Variants in NDUFAF1 observed in about 807,000 individuals in gnomAD.
NDUFAF1 encodes the protein complex I intermediate-associated protein 30, mitochondrial.
A neutral mutation model predicts 28.7 loss-of-function variants in NDUFAF1; 18 were observed. That is an observed-to-expected ratio of 0.63 (90% confidence interval 0.43 to 0.93). The LOEUF (loss-of-function observed/expected upper bound fraction) is 0.93. NDUFAF1 is among the 40% of genes least tolerant of loss of function. The pLI is 0.00. For missense variants in NDUFAF1, 404 were observed against 398.3 expected, an observed-to-expected ratio of 1.01 and a Z score of -0.12; for synonymous variants, 113 against 139.7, an observed-to-expected ratio of 0.81 and a Z score of 1.35.
intron 1 of NDUFAF1, among the ~76,000 whole-genome samples, chr15:41,397,778 G>T (rs1271942358): frequency 1.4e-5 from 2 of 141,142 alleles, no homozygotes; most frequent in Non-Finnish European, 3.1e-5. Context: ...CAGCCTGGGC[G>T]ACAGAGCGAG....
intron 4 of NDUFAF1, 52 bp downstream of exon 4, chr15:41,388,396 C>G (rs372709375): frequency 1.7e-5 from 23 of 1,381,944 alleles, no homozygotes; most frequent in Non-Finnish European, 2.4e-5. Flanking sequence ...CCCAGAGTTC[C>G]GATTCATTAA....
Position 41,397,111 on chromosome 15 carries a change from A to G in NDUFAF1, c.-52T>C, listed in dbSNP as rs1406095441. On this transcript the variant is annotated 5_prime_UTR_variant, in exon 2 of 5. Coordinates refer to ENST00000260361, the MANE Select transcript of NDUFAF1 (RefSeq NM_016013.4). ...TCTTCCTGGGCTAGCAAGGGCCACCAAGAAGCTTCAGCAAATAGCCCAATT... is the reference window on the plus strand; with the variant it reads ...TCTTCCTGGGCTAGCAAGGGCCACCGAGAAGCTTCAGCAAATAGCCCAATT... 2 of 1,530,996 alleles carry G rather than the reference A, an allele frequency of 1.3e-6. No homozygotes were observed. Among genetic ancestry groups the G allele is most frequent in the Non-Finnish European group, 1.8e-6 (2 of 1,111,998 alleles). 94.8% of individuals were successfully genotyped at this position (1,530,996 alleles called of 1,614,324 possible). A position where few individuals can be genotyped will look rare whatever the true frequency, so the allele number is the denominator to read the frequency against.
rs1248137611 is a variant in NDUFAF1 at position 41,395,129 on chromosome 15, AG to A, written c.574-86del. On this transcript the variant is annotated intron_variant, in intron 2 of 4. Transcript: ENST00000260361. ...TCATCACCAAGTCAGCATCATCAAC[AG>A]GATGCACTAACCATTTTTCTGACTT... 1.9e-5 allele frequency: 24 copies of A among 1,259,426 alleles called. No individual in the cohort carries two copies. The Admixed American group carries it at 4.7e-4, about 25-fold the overall frequency. 78.0% of individuals were successfully genotyped at this position (1,259,426 alleles called of 1,614,324 possible).
chr15:41,400,972 CT>C (rs57295983), intron 1 of NDUFAF1, among the ~76,000 whole-genome samples: 6,545 of 144,028 alleles, frequency 0.045, 253 homozygotes, highest in African/African-American at 0.11. Flanking sequence ...ATTATCAATA[CT>C]TTTTTTTTTT....
chr15:41,399,748 C>T (rs62001415), intron 1 of NDUFAF1, among the ~76,000 whole-genome samples: 14 of 143,574 alleles, frequency 9.8e-5, no homozygotes, highest in African/African-American at 2.6e-4. Flanking sequence ...CCCAGCTACT[C>T]GGGAGGCTGA....
At chr15:41,390,951 C>T (rs1329551064) in intron 3 of NDUFAF1, among the ~76,000 whole-genome samples, 1 of 151,884 alleles carries the variant, frequency 6.6e-6, no homozygotes, top group Non-Finnish European at 1.5e-5. Flanking sequence ...ATGGTGTGAA[C>T]CTGGAAGGCA....
chr15:41,394,616 A>G (rs1461761478), intron 3 of NDUFAF1, among the ~76,000 whole-genome samples: 1 of 127,014 alleles, frequency 7.9e-6, no homozygotes, highest in East Asian at 2.2e-4. Flanking sequence ...AATCATCTCC[A>G]AGACTTTTTT....
At chr15:41,398,235 T>C (rs1344069096) in intron 1 of NDUFAF1, among the ~76,000 whole-genome samples, 1 of 151,164 alleles carries the variant, frequency 6.6e-6, no homozygotes, top group Admixed American at 6.6e-5. Flanking sequence ...CTCACGCCTG[T>C]AATCTCAACA....
At chr15:41,396,346 AT>A in intron 2 of NDUFAF1, 140 bp downstream of exon 2, 1 of 775,702 alleles carries the variant, frequency 1.3e-6, no homozygotes, top group Middle Eastern at 2.3e-4. Flanking sequence ...ATAGTTACTT[AT>A]CCCCAGACAC....
In NDUFAF1 at chr15:41,396,523, T is replaced by C. The variant is rs202231219; in HGVS notation, c.537A>G (p.Arg179=). ...SEAPQDGEST[R]SGYCAMISRI... ...TGGATATCATTGCACAGTACCCACT[T>C]CGGGTAGACTCCCCGTCCTGAGGCG... The change falls in exon 2 of 5, where the codon CGA becomes CGG. Residue 179 remains arginine (R), a synonymous_variant. Transcript: ENST00000260361. The C allele has an allele frequency of 6.2e-7, 1 of 1,614,150 alleles. No individual in the cohort carries two copies. Among genetic ancestry groups the C allele is most frequent in the African/African-American group, 1.3e-5 (1 of 75,048 alleles).
Position 41,395,587 on chromosome 15 carries a change from G to A in NDUFAF1, c.574-543C>T, listed in dbSNP as rs1010885736. On this transcript the variant is annotated intron_variant, in intron 2 of 4. Coordinates refer to ENST00000260361, the MANE Select transcript of NDUFAF1 (RefSeq NM_016013.4). ...GGGTTTCACCGTGTTAGCCAGGATG[G>A]TCTCGATCTCCTGACCTGGTGATCC... 8.6e-5 allele frequency among the ~76,000 whole-genome samples: 13 copies of A among 150,798 alleles called. No individual in the cohort carries two copies. The South Asian group carries it at 1.9e-3, about 22-fold the overall frequency.
chr15:41,393,384 C>T (rs757578646), intron 3 of NDUFAF1, among the ~76,000 whole-genome samples: 3 of 148,496 alleles, frequency 2.0e-5, no homozygotes, highest in African/African-American at 5.0e-5. Context: ...CCCGGGTTCA[C>T]GCCATTCTCC....
rs200472799 is a variant in NDUFAF1 at position 41,396,845 on chromosome 15, G to A, written c.215C>T (p.Thr72Ile). The A allele has an allele frequency of 6.8e-6, 11 of 1,614,116 alleles. No individual in the cohort carries two copies. The Admixed American group carries it at 1.8e-4, about 27-fold the overall frequency. ...AACATCAGGCTTCTCCTCAGAAGAA[G>A]TTATATCCAAAGCAACTTCTTTCTG... Reference protein sequence around the residue: ...DHQKEVALDITSSEEKPDVSF... With the variant: ...DHQKEVALDIISSEEKPDVSF... The change falls in exon 2 of 5, where the codon ACT (threonine) becomes ATT (isoleucine). Residue 72 changes from threonine (T) to isoleucine (I), a missense_variant. Transcript: ENST00000260361.
At chr15:41,390,122 C>T (rs2050299009) in intron 3 of NDUFAF1, among the ~76,000 whole-genome samples, 1 of 152,018 alleles carries the variant, frequency 6.6e-6, no homozygotes, top group South Asian at 2.1e-4. Context: ...TGCCACCACA[C>T]TGGGCTAATT....
At chr15:41,391,887 A>C (rs903060007) in intron 3 of NDUFAF1, among the ~76,000 whole-genome samples, 1 of 151,952 alleles carries the variant, frequency 6.6e-6, no homozygotes, top group African/African-American at 2.4e-5. Context: ...GCAGAGCAAC[A>C]CTAAGTGCAA....
intron 2 of NDUFAF1, among the ~76,000 whole-genome samples, chr15:41,395,349 T>TTTTTC (rs368734953): frequency 2.8e-4 from 43 of 151,790 alleles, no homozygotes; most frequent in South Asian, 6.2e-4. Flanking sequence ...GAGCAATGAC[T>TTTTTC]TTTTCTTTTC....
In NDUFAF1 at chr15:41,402,284, G is replaced by A. The variant is rs773005414; in HGVS notation, c.-222C>T. ...CCCGAGGTCACACAGGTAGTGAGTG[G>A]CAAAATTCTTCCGCCTTGGCGTATA... On this transcript the variant is annotated 5_prime_UTR_variant, in exon 1 of 5. Coordinates refer to ENST00000260361, the MANE Select transcript of NDUFAF1 (RefSeq NM_016013.4). The A allele has an allele frequency of 1.1e-5, 5 of 453,978 alleles. No individual in the cohort carries two copies. Among genetic ancestry groups the A allele is most frequent in the Middle Eastern group, 6.8e-4 (1 of 1,466 alleles). The allele number at this position is 453,978 out of a possible 1,614,324, so 28.1% of individuals were successfully genotyped here.
At chr15:41,389,519 C>T (rs868494978) in intron 3 of NDUFAF1, among the ~76,000 whole-genome samples, 1 of 151,868 alleles carries the variant, frequency 6.6e-6, no homozygotes, top group South Asian at 2.1e-4. Flanking sequence ...GCCTGTAATC[C>T]CAGCACTTTG....
intron 3 of NDUFAF1, chr15:41,394,412 T>A: frequency 5.4e-6 from 7 of 1,286,038 alleles, no homozygotes; most frequent in Non-Finnish European, 7.1e-6. Flanking sequence ...CCCCATCTAT[T>A]TGGACACAGA....
Sources: gnomAD v4.1 joint callset for allele counts (sites outside exome capture counted in the v4.1 genomes callset) on GRCh38, gnomAD v4.1.1 for gene constraint, MANE v1.5 for transcripts, NCBI Gene and HGNC (gene_info 2026-07-23, HGNC 2026-07-21) for gene names.